Variants in GRM7 observed in about 807,000 individuals in gnomAD.
GRM7 encodes metabotropic glutamate receptor 7.
A neutral mutation model predicts 84.5 loss-of-function variants in GRM7; 35 were observed. That is an observed-to-expected ratio of 0.41 (90% CI 0.32 to 0.55). The LOEUF (loss-of-function observed/expected upper bound fraction) is 0.55, where lower values mean the gene tolerates loss of function less well. Ranked by LOEUF, GRM7 falls within the 20% of genes least tolerant of loss-of-function variation. GRM7 has a pLI of 0.19. For missense variants in GRM7, 1,003 were observed against 1,194.6 expected (o/e 0.84, Z 2.36); for synonymous variants, 487 against 455.1 (o/e 1.07, Z -0.89).
rs1697206179 is a variant in GRM7 at position 7,618,348 on chromosome 3, T to G, written c.2451+38991T>G. On this transcript the variant is annotated intron_variant, in intron 8 of 9. Coordinates refer to ENST00000357716, the MANE Select transcript of GRM7 (RefSeq NM_000844.4). The stretch of plus-strand genomic sequence containing the variant: ...TTTACCTTTGGAATTTGCATGGTAT[T>G]CAGTAAGTGCCATTACATGTTTGTT... Among the ~76,000 whole-genome samples, 7 of 152,216 alleles carry G rather than the reference T, an allele frequency of 4.6e-5. 1 individual carries two copies. The South Asian group carries it at 1.5e-3, about 32-fold the overall frequency.
intron 7 of GRM7, among the ~76,000 whole-genome samples, chr3:7,468,456 G>T (rs569044741): frequency 1.3e-5 from 2 of 152,126 alleles, no homozygotes; most frequent in Non-Finnish European, 2.9e-5. Flanking sequence ...ATTTCACTGA[G>T]TTATGGTTAG....
intron 4 of GRM7, among the ~76,000 whole-genome samples, chr3:7,366,269 G>A (rs889039910): frequency 2.0e-5 from 3 of 151,786 alleles, no homozygotes; most frequent in Non-Finnish European, 2.9e-5. Context: ...TTACAAGCCT[G>A]TCTTTAATTT....
chr3:6,871,781 C>T (rs186188373), intron 1 of GRM7, among the ~76,000 whole-genome samples: 151 of 152,164 alleles, frequency 9.9e-4, no homozygotes, highest in African/African-American at 3.5e-3. Flanking sequence ...TATCAACACA[C>T]ATACATTTCT....
chr3:7,241,158 C>T (rs1296463761), intron 2 of GRM7, among the ~76,000 whole-genome samples: 1 of 152,144 alleles, frequency 6.6e-6, no homozygotes, highest in African/African-American at 2.4e-5. Context: ...TTAAAGTTAA[C>T]CTCTCCTTGC....
intron 4 of GRM7, among the ~76,000 whole-genome samples, chr3:7,318,871 C>T (rs1700673403): frequency 6.6e-6 from 1 of 152,032 alleles, no homozygotes; most frequent in Non-Finnish European, 1.5e-5. Context: ...CCTCTTAATA[C>T]TCCATCCTCT....
At chr3:7,544,695 A>G (rs1459997983) in intron 7 of GRM7, among the ~76,000 whole-genome samples, 1 of 152,260 alleles carries the variant, frequency 6.6e-6, no homozygotes, top group East Asian at 1.9e-4. Flanking sequence ...TAATCATGCT[A>G]TTTTTATGTT....
chr3:7,594,231 T>A (rs1206394379), intron 8 of GRM7, among the ~76,000 whole-genome samples: 1 of 152,166 alleles, frequency 6.6e-6, no homozygotes, highest in African/African-American at 2.4e-5. Context: ...AAATCCCTCA[T>A]TGATTCAGCA....
chr3:7,425,432 T>A (rs1696567944), intron 5 of GRM7, among the ~76,000 whole-genome samples: 1 of 152,194 alleles, frequency 6.6e-6, no homozygotes, highest in Non-Finnish European at 1.5e-5. Flanking sequence ...AAATTCTCTC[T>A]GAATATATCT....
intron 1 of GRM7, among the ~76,000 whole-genome samples, chr3:6,980,806 A>G (rs573980271): frequency 2.0e-4 from 30 of 152,360 alleles, no homozygotes; most frequent in African/African-American, 6.7e-4. Flanking sequence ...GCTTATTACC[A>G]CAAAGAGAAG....
chr3:7,639,433 C>T (rs1218481209), intron 8 of GRM7, among the ~76,000 whole-genome samples: 1 of 152,182 alleles, frequency 6.6e-6, no homozygotes, highest in Non-Finnish European at 1.5e-5. Flanking sequence ...CAAGTATTTC[C>T]TTTCACAACT....
chr3:7,638,561 C>T (rs535720450), intron 8 of GRM7, among the ~76,000 whole-genome samples: 1 of 152,310 alleles, frequency 6.6e-6, no homozygotes, highest in South Asian at 2.1e-4. Context: ...GTAAGATCAC[C>T]TCTTTTCTTT....
At position 6,977,717 on chromosome 3, in the gene GRM7, A is replaced by G. The variant is rs367933580; in HGVS notation, c.519+115810A>G. Among the ~76,000 whole-genome samples the G allele has an allele frequency of 4.9e-4, 75 of 152,250 alleles. 1 individual carries two copies. In the South Asian group the frequency reaches 0.015, roughly 30 times the overall value. ...GCCAATGTGTAGACTGACAGAGGAGACATTAATAACACTGAAATATATGGG... is the reference window on the plus strand; with the variant it reads ...GCCAATGTGTAGACTGACAGAGGAGGCATTAATAACACTGAAATATATGGG... On this transcript the variant is annotated intron_variant, in intron 1 of 9. Transcript: ENST00000357716.
intron 4 of GRM7, among the ~76,000 whole-genome samples, chr3:7,352,063 A>ACACACACACACAC (rs1553565350): frequency 2.4e-5 from 2 of 84,066 alleles, no homozygotes; most frequent in Non-Finnish European, 6.0e-5. Context: ...CACACCACAC[A>ACACACACACACAC]CACACACACA....
intron 4 of GRM7, among the ~76,000 whole-genome samples, chr3:7,320,986 C>T (rs1459799255): frequency 6.6e-6 from 1 of 151,792 alleles, no homozygotes; most frequent in African/African-American, 2.4e-5. Context: ...CACATTTTTG[C>T]ACAATTTTTT....
chr3:7,095,591 T>G (rs1276994347), intron 1 of GRM7, among the ~76,000 whole-genome samples: 1 of 152,186 alleles, frequency 6.6e-6, no homozygotes, highest in Non-Finnish European at 1.5e-5. Flanking sequence ...GTCAATGTTT[T>G]CTATTATATC....
chr3:7,431,010 G>A (rs1696805919), intron 5 of GRM7, among the ~76,000 whole-genome samples: 1 of 152,004 alleles, frequency 6.6e-6, no homozygotes, highest in Admixed American at 6.6e-5. Flanking sequence ...TGGACTTGAG[G>A]GAGTTGTGGG....
intron 1 of GRM7, among the ~76,000 whole-genome samples, chr3:6,960,652 C>G (rs1208956598): frequency 1.3e-5 from 2 of 152,174 alleles, no homozygotes; most frequent in East Asian, 3.8e-4. Flanking sequence ...TTCCCTGGAA[C>G]ATGCAGTCTG....
intron 1 of GRM7, among the ~76,000 whole-genome samples, chr3:7,102,751 G>T (rs1699157135): frequency 6.6e-6 from 1 of 151,614 alleles, no homozygotes; most frequent in African/African-American, 2.4e-5. Context: ...CTCTCTTCTG[G>T]TCTTCTTTGA....
intron 4 of GRM7, among the ~76,000 whole-genome samples, chr3:7,406,449 G>A (rs1291965988): frequency 6.6e-6 from 1 of 151,068 alleles, no homozygotes; most frequent in African/African-American, 2.4e-5. Flanking sequence ...GCAGTGAGCC[G>A]AGATCACACC....
Sources: allele counts gnomAD v4.1 joint callset (sites outside exome capture counted in the v4.1 genomes callset), GRCh38; gene constraint gnomAD v4.1.1; transcripts MANE v1.5; gene names NCBI Gene and HGNC (gene_info 2026-07-23, HGNC 2026-07-21).